The following ANO8 variants were observed in gnomAD, a reference collection of about 807,000 sequenced individuals.
ANO8 encodes anoctamin 8, also known as anoctamin-8.
ANO8 carries 67 observed loss-of-function variants against 120.4 expected under a neutral mutation model. That is an observed-to-expected ratio of 0.56 (90% CI 0.46 to 0.68). ANO8 has a LOEUF of 0.68. Among genes scored for constraint, ANO8 ranks in the 30% least tolerant of loss-of-function variants. The pLI, the probability that ANO8 is intolerant of heterozygous loss-of-function variation, is 0.00. For synonymous variants in ANO8, 727 were observed against 759.2 expected, an observed-to-expected ratio of 0.96 and a Z score of 0.70; for missense variants, 1,526 against 1,737.6, an observed-to-expected ratio of 0.88 and a Z score of 2.16.
chr19:17,328,030 T>C, intron 13 of ANO8, 132 bp downstream of exon 13: 1 of 1,361,904 alleles, frequency 7.3e-7, no homozygotes, highest in Non-Finnish European at 9.9e-7. Flanking sequence ...TGGCTAGGCC[T>C]TCCTCTCCTG....
chr19:17,333,840 G>A lies in ANO8; in HGVS notation c.107-40C>T, dbSNP rs1277651883. On this transcript the variant is annotated intron_variant, in intron 1 of 17. Transcript: ENST00000159087. This position sits in a 1 kb window ranked among gnomAD's most constrained non-coding sequence, Gnocchi z 7.2. ...AGCAGGCCCGGGTCAGGCCACTCTG[G>A]GATCCGGACCCGGCCTCCAGTCTTG... 4 of 1,526,418 alleles carry A rather than the reference G, an allele frequency of 2.6e-6. No homozygotes were observed. In the East Asian group the frequency reaches 9.7e-5, roughly 37 times the overall value. The allele number at this position is 1,526,418 out of a possible 1,614,324, so 94.6% of individuals were successfully genotyped here. A position where few individuals can be genotyped will look rare whatever the true frequency, so the allele number is the denominator to read the frequency against.
In ANO8 at chr19:17,325,314, G is replaced by A. The variant is rs150243981; in HGVS notation, c.2734C>T (p.Arg912Cys). The A allele has an allele frequency of 2.9e-5, 46 of 1,604,820 alleles. No individual in the cohort carries two copies. The highest frequency in any genetic ancestry group is 1.5e-4 in the African/African-American group (11 of 74,932). The change falls in exon 17 of 18, where the codon CGC (arginine) becomes TGC (cysteine). Residue 912 changes from arginine to cysteine, a missense_variant. Arg to Cys is a radical substitution (Grantham distance 180). This residue lies in a region of ANO8 where 489 missense variants were observed against 548.6 expected (regional missense o/e 0.89). Coordinates refer to ENST00000159087, the MANE Select transcript of ANO8 (RefSeq NM_020959.3). ...CGCCGGGCATGGTGCTCTGCATGGCGCTGTCGCTCCTCCTCCTCCCGCCGC... is the reference window on the plus strand; with the variant it reads ...CGCCGGGCATGGTGCTCTGCATGGCACTGTCGCTCCTCCTCCTCCCGCCGC... The part of the protein sequence containing the change: ...RRRREEEERQ[R>C]HAEHHARREH...
rs1010635783 is a variant in ANO8 at position 17,334,800 on chromosome 19, G to C, written c.-130C>G. ...GGCCGCGCCCGCCCGCGCCGGCCTC[G>C]GTCCTCGCTCGCCCGAGCGCTGCTT... On this transcript the variant is annotated 5_prime_UTR_variant, in exon 1 of 18. Coordinates refer to ENST00000159087, the MANE Select transcript of ANO8 (RefSeq NM_020959.3). The C allele has an allele frequency of 1.0e-4, 117 of 1,172,728 alleles. 1 individual carries two copies. In the South Asian group the frequency reaches 1.9e-3, roughly 19 times the overall value. 72.6% of individuals were successfully genotyped at this position (1,172,728 alleles called of 1,614,324 possible).
rs1555724994 is a variant in ANO8 at position 17,329,745 on chromosome 19, C to T, written c.1404+12G>A. ...GGGGCAGGGGGGACTGCCGCTGGGG[C>T]GGGGGTCTCACCTCTTTCAAGCGCT... On this transcript the variant is annotated intron_variant, in intron 12 of 17. Transcript: ENST00000159087. 13 of 1,607,774 alleles carry T rather than the reference C, an allele frequency of 8.1e-6. No individual in the cohort carries two copies. The highest frequency in any genetic ancestry group is 3.4e-5 in the Admixed American group (2 of 59,320).
rs534627053 is a variant in ANO8 at position 17,324,577 on chromosome 19, C to T, written c.3331+140G>A. The T allele has an allele frequency of 4.0e-4, 557 of 1,395,666 alleles. 1 individual carries two copies. Among genetic ancestry groups the T allele is most frequent in the Middle Eastern group, 7.2e-4 (3 of 4,188 alleles). The allele number at this position is 1,395,666 out of a possible 1,614,324, so 86.5% of individuals were successfully genotyped here. On this transcript the variant is annotated intron_variant, in intron 17 of 17. Coordinates refer to ENST00000159087, the MANE Select transcript of ANO8 (RefSeq NM_020959.3). The stretch of plus-strand genomic sequence containing the variant: ...AGCAGGCTTTAACTGAGAGGCTCCA[C>T]GTACCACTGACCCAGGTCCCCACCA...
At chr19:17,332,696 C>G (rs1273080081) in intron 5 of ANO8, among the ~76,000 whole-genome samples, 2 of 152,170 alleles carry the variant, frequency 1.3e-5, no homozygotes, top group Non-Finnish European at 2.9e-5. Flanking sequence ...ACTGGTTGGA[C>G]ATAAGCCCTG....
In ANO8 at chr19:17,328,339, C is replaced by G; in HGVS notation, c.2049G>C (p.Gly683=). The change falls in exon 13 of 18, where the codon GGG becomes GGC. Residue 683 remains glycine, a synonymous_variant. Transcript: ENST00000159087. ...CGGGCCCCTGGTCTCGGCCCTCGCC[C>G]CCGGCCCGGCGGAACAAGATGGCCG... ...EPPAILFRRA[G]GEGRDQGPDG... 2.5e-6 allele frequency: 4 copies of G among 1,579,380 alleles called. No individual in the cohort carries two copies. The highest frequency in any genetic ancestry group is 2.6e-6 in the Non-Finnish European group (3 of 1,165,974).
rs778145040 is a variant in ANO8, at chr19:17,330,203, G to T, written c.1195C>A (p.Pro399Thr). 3.1e-6 allele frequency: 5 copies of T among 1,613,932 alleles called. No homozygotes were observed. The Admixed American group carries it at 8.3e-5, about 27-fold the overall frequency. ...ACAAGCAGGGCCAGCATGACCTTAG[G>T]CAGGAATCGGGCGAGACGGGGCAAC... is the stretch of plus-strand genomic sequence containing the variant. Reference protein sequence around the residue: ...KGLPRLARFLPKVMLALLVSV... With the variant: ...KGLPRLARFLTKVMLALLVSV... The change falls in exon 10 of 18, where the codon CCT (proline) becomes ACT (threonine). Residue 399 changes from proline (P) to threonine (T), a missense_variant. Pro to Thr is a conservative substitution (Grantham distance 38, BLOSUM62 -1). This residue lies in a region of ANO8 where 91 missense variants were observed against 85.3 expected (regional missense o/e 1.07). Transcript: ENST00000159087.
intron 16 of ANO8, among the ~76,000 whole-genome samples, chr19:17,326,575 C>T (rs2074274859): frequency 6.6e-6 from 1 of 152,066 alleles, no homozygotes. Context: ...GGTAGCCACG[C>T]GAGGCTCTGT....
At position 17,328,990 on chromosome 19, in the gene ANO8, G is replaced by T; in HGVS notation, c.1405-7C>A. The T allele has an allele frequency of 3.4e-6, 5 of 1,484,534 alleles. No individual in the cohort carries two copies. The highest frequency in any genetic ancestry group is 3.6e-6 in the Non-Finnish European group (4 of 1,118,978). 92.0% of individuals were successfully genotyped at this position (1,484,534 alleles called of 1,614,324 possible). On this transcript the variant is annotated splice_region_variant and splice_polypyrimidine_tract_variant and intron_variant, in intron 12 of 17. Transcript: ENST00000159087. ...TCAGCAGCGTGGCCAGCATCTGGGG[G>T]CAGGAAGGGGAAGGAGAGAGGCGCG...
At chr19:17,329,237 GCT>G (rs1191263895) in intron 12 of ANO8, 2 of 446,824 alleles carry the variant, frequency 4.5e-6, no homozygotes, top group African/African-American at 4.1e-5. Flanking sequence ...CCCACCGCGG[GCT>G]CTGTCGGTGC....
At chr19:17,329,936 C>T in intron 11 of ANO8, 23 bp downstream of exon 11, 1 of 1,614,088 alleles carries the variant, frequency 6.2e-7, no homozygotes, top group Admixed American at 1.7e-5. Flanking sequence ...TGTCCCCCTG[C>T]CTGTCCGATG....
chr19:17,327,441 G>A lies in ANO8; in HGVS notation c.2547C>T (p.Leu849=), dbSNP rs768014396. The A allele has an allele frequency of 6.2e-7, 1 of 1,608,050 alleles. No homozygotes were observed. Among genetic ancestry groups the A allele is most frequent in the East Asian group, 2.2e-5 (1 of 44,658 alleles). The change falls in exon 15 of 18, where the codon CTC becomes CTT. Residue 849 remains leucine, a synonymous_variant. Coordinates refer to ENST00000159087, the MANE Select transcript of ANO8 (RefSeq NM_020959.3). ...PEAAIVSVVV[L]EHFALLLKYL... is the part of the protein sequence containing the mutation. ...CCGCCCCTGTCGCCGGCCCCACCTC[G>A]AGCACTACCACCGACACGATGGCTG...
At chr19:17,328,066 T>C (rs2074285124) in intron 13 of ANO8, 96 bp downstream of exon 13, 2 of 1,379,078 alleles carry the variant, frequency 1.5e-6, no homozygotes, top group Admixed American at 5.5e-5. Flanking sequence ...AATGGCCCTG[T>C]TATCACCACT....
At position 17,327,857 on chromosome 19, in the gene ANO8, C is replaced by T. The variant is rs762957439; in HGVS notation, c.2250G>A (p.Glu750=). 6.2e-7 allele frequency: 1 copy of T among 1,613,992 alleles called. No homozygotes were observed. Among genetic ancestry groups the T allele is most frequent in the Non-Finnish European group, 8.5e-7 (1 of 1,179,890 alleles). The change falls in exon 14 of 18, where the codon GAG becomes GAA. Residue 750 remains glutamate (E), a synonymous_variant. Coordinates refer to ENST00000159087, the MANE Select transcript of ANO8 (RefSeq NM_020959.3). The part of the protein sequence containing the change: ...KYEDTFQDYQ[E]MFVQFGYVVL... ...CAACGTAGCCGAACTGCACGAACAT[C>T]TCCTGGTAGTCCTGGAACGTGTCCT...
chr19:17,333,427 A>G lies in ANO8; in HGVS notation c.345T>C (p.Tyr115=). 1.9e-6 allele frequency: 3 copies of G among 1,613,840 alleles called. No individual in the cohort carries two copies. The highest frequency in any genetic ancestry group is 2.5e-6 in the Non-Finnish European group (3 of 1,180,014). The change falls in exon 3 of 18, where the codon TAT becomes TAC. Residue 115 remains tyrosine, a synonymous_variant. Transcript: ENST00000159087. This position sits in a 1 kb window ranked among gnomAD's most constrained non-coding sequence, Gnocchi z 7.2. ...GCCAGGGACAGGGGACTCGCCTCTCATACGTGGCGGTGACAAAGAAGGCGT... is the reference window on the plus strand; with the variant it reads ...GCCAGGGACAGGGGACTCGCCTCTCGTACGTGGCGGTGACAAAGAAGGCGT... ...RAYAFFVTAT[Y]ESLLRGADEL... is the part of the protein sequence containing the mutation.
chr19:17,326,023 T>C (rs554093534), intron 16 of ANO8, among the ~76,000 whole-genome samples: 4 of 152,350 alleles, frequency 2.6e-5, no homozygotes, highest in South Asian at 2.1e-4. Context: ...CCGAGGCTTA[T>C]TGGGTGCAAC....
chr19:17,331,459 A>C, intron 5 of ANO8, 48 bp from the exon 6 acceptor site: 1 of 1,551,460 alleles, frequency 6.4e-7, no homozygotes, highest in Non-Finnish European at 8.9e-7. Flanking sequence ...ACCTGTGCCT[A>C]GCCTGGCTAG....
At chr19:17,324,321 G>A (rs960725897) in intron 17 of ANO8, among the ~76,000 whole-genome samples, 4 of 152,076 alleles carry the variant, frequency 2.6e-5, no homozygotes, top group Non-Finnish European at 4.4e-5. Context: ...CTGAACAGCT[G>A]GGCTGCAGGG....
Sources: allele counts gnomAD v4.1 joint callset (sites outside exome capture counted in the v4.1 genomes callset), GRCh38; gene constraint gnomAD v4.1.1; regional missense constraint gnomAD v4.1.1; non-coding constraint Gnocchi (gnomAD v3.1); transcripts MANE v1.5; gene names NCBI Gene and HGNC (gene_info 2026-07-23, HGNC 2026-07-21).